The following ZNF609 variants were observed in gnomAD, a reference collection of about 807,000 sequenced individuals.
ZNF609 encodes zinc finger protein 609.
In ZNF609, 11 loss-of-function variants were observed where a neutral mutation model predicts 109.5. That is an observed-to-expected ratio of 0.10 (90% CI 0.06 to 0.17). The LOEUF (loss-of-function observed/expected upper bound fraction) is 0.17. Ranked by LOEUF, ZNF609 falls within the 10% of genes least tolerant of loss-of-function variation. The probability of loss-of-function intolerance (pLI) is 1.00; values close to 1 mark genes in which losing one functional copy is unlikely to be tolerated. For synonymous variants in ZNF609, 646 were observed against 662.0 expected, an observed-to-expected ratio of 0.98 and a Z score of 0.37; for missense variants, 1,559 against 1,772.4, an observed-to-expected ratio of 0.88 and a Z score of 2.16.
chr15:64,586,326 CAAAAA>C (rs1206630683), intron 2 of ZNF609, among the ~76,000 whole-genome samples: 11 of 92,884 alleles, frequency 1.2e-4, no homozygotes, highest in African/African-American at 3.9e-4. Context: ...AACTCGGTCT[CAAAAA>C]AAAAAAAAAA....
At chr15:64,546,290 A>G (rs1894358861) in intron 2 of ZNF609, among the ~76,000 whole-genome samples, 8 of 152,238 alleles carry the variant, frequency 5.3e-5, no homozygotes, top group Admixed American at 4.6e-4. Flanking sequence ...TGTTGCCCAC[A>G]TGGGAATGCA....
At chr15:64,669,518 T>G (rs1220272128) in intron 3 of ZNF609, among the ~76,000 whole-genome samples, 1 of 152,162 alleles carries the variant, frequency 6.6e-6, no homozygotes, top group Non-Finnish European at 1.5e-5. Context: ...TGTTTCCAAG[T>G]AGGGGAACTG....
chr15:64,561,009 A>G (rs1894669448), intron 2 of ZNF609, among the ~76,000 whole-genome samples: 1 of 152,176 alleles, frequency 6.6e-6, no homozygotes, highest in African/African-American at 2.4e-5. Context: ...CCAAATTTCT[A>G]CGTATCTGAC....
intron 4 of ZNF609, among the ~76,000 whole-genome samples, chr15:64,671,104 G>A (rs1418268350): frequency 1.3e-5 from 2 of 149,652 alleles, no homozygotes; most frequent in South Asian, 4.2e-4. Flanking sequence ...CAGCTACTCG[G>A]GAGGCTGAGG....
intron 2 of ZNF609, among the ~76,000 whole-genome samples, chr15:64,615,982 G>C (rs1017329705): frequency 5.3e-5 from 8 of 152,078 alleles, no homozygotes; most frequent in Non-Finnish European, 7.4e-5. Flanking sequence ...CATTGTGAAG[G>C]GGAAAAGGCA....
chr15:64,660,710 C>T (rs1261402585), intron 3 of ZNF609, among the ~76,000 whole-genome samples: 1 of 152,170 alleles, frequency 6.6e-6, no homozygotes, highest in Non-Finnish European at 1.5e-5. Flanking sequence ...CCTCTTTGCT[C>T]TTCCGAACGT....
intron 3 of ZNF609, among the ~76,000 whole-genome samples, chr15:64,652,734 C>T (rs1262733690): frequency 4.6e-5 from 7 of 152,052 alleles, no homozygotes; most frequent in Admixed American, 3.9e-4. Flanking sequence ...AGTCTCACTG[C>T]GTTTTCCAGG....
chr15:64,530,260 C>CT (rs1201165734), intron 2 of ZNF609, among the ~76,000 whole-genome samples: 1 of 151,986 alleles, frequency 6.6e-6, no homozygotes, highest in East Asian at 1.9e-4. Context: ...AAGTGATCCG[C>CT]TTGCCTCTCA....
chr15:64,555,153 C>G (rs1445014469), intron 2 of ZNF609, among the ~76,000 whole-genome samples: 1 of 151,512 alleles, frequency 6.6e-6, no homozygotes, highest in East Asian at 1.9e-4. Context: ...TCGTTTGAGC[C>G]CAGGAGTTCA....
intron 2 of ZNF609, among the ~76,000 whole-genome samples, chr15:64,530,816 A>G (rs1053485050): frequency 6.6e-6 from 1 of 152,202 alleles, no homozygotes; most frequent in Non-Finnish European, 1.5e-5. Flanking sequence ...TAAAGTATAC[A>G]TACCCCTAGA....
Position 64,684,723 on chromosome 15 carries a change from G to A in ZNF609, c.*3037G>A, listed in dbSNP as rs1421272294. 6.6e-6 allele frequency: 1 copy of A among 152,650 alleles called. No homozygotes were observed. The highest frequency in any genetic ancestry group is 1.5e-5 in the Non-Finnish European group (1 of 68,052). The allele number at this position is 152,650 out of a possible 1,614,324, so 9.5% of individuals were successfully genotyped here. A position where few individuals can be genotyped will look rare whatever the true frequency, so the allele number is the denominator to read the frequency against. On this transcript the variant is annotated 3_prime_UTR_variant, in exon 10 of 10. Transcript: ENST00000326648. ...GAGTTGCGAGTTAAGACTGCAGAGG[G>A]CTAGAGAATTATTTCATACAGGCTT...
intron 2 of ZNF609, among the ~76,000 whole-genome samples, chr15:64,577,988 C>A (rs1043626694): frequency 1.3e-5 from 2 of 151,588 alleles, no homozygotes; most frequent in South Asian, 4.2e-4. Context: ...AACCCACCCC[C>A]CTTCCCTGCA....
intron 2 of ZNF609, among the ~76,000 whole-genome samples, chr15:64,580,533 GTTCTT>G (rs759320801): frequency 1.1e-4 from 15 of 142,658 alleles, no homozygotes; most frequent in African/African-American, 3.5e-4. Context: ...AACTCTCTCA[GTTCTT>G]TTCTTTTCTT....
chr15:64,625,866 G>A (rs1895945718), intron 3 of ZNF609, among the ~76,000 whole-genome samples: 1 of 121,834 alleles, frequency 8.2e-6, no homozygotes, highest in African/African-American at 3.2e-5. Flanking sequence ...TCCAGCCTGG[G>A]TGACAGAGCC....
intron 2 of ZNF609, among the ~76,000 whole-genome samples, chr15:64,579,712 A>C (rs528023744): frequency 6.6e-6 from 1 of 151,034 alleles, no homozygotes; most frequent in African/African-American, 2.4e-5. Context: ...AAACAAACAA[A>C]AAAAAAAAAC....
intron 1 of ZNF609, among the ~76,000 whole-genome samples, chr15:64,465,869 A>C (rs1385124691): frequency 6.6e-6 from 1 of 151,882 alleles, no homozygotes; most frequent in Non-Finnish European, 1.5e-5. Context: ...TAATCCCAGC[A>C]CTTTGGGAGG....
At chr15:64,472,210 G>A (rs550182012) in intron 1 of ZNF609, among the ~76,000 whole-genome samples, 1 of 152,302 alleles carries the variant, frequency 6.6e-6, no homozygotes, top group Admixed American at 6.5e-5. Flanking sequence ...ACCACACCCG[G>A]CCTATAAGTA....
intron 4 of ZNF609, among the ~76,000 whole-genome samples, chr15:64,673,162 C>G (rs1045242152): frequency 6.6e-6 from 1 of 152,130 alleles, no homozygotes; most frequent in Admixed American, 6.6e-5. Context: ...TAGAACTGTT[C>G]TGGGAACCCA....
At chr15:64,680,913 T>C (rs1188691803) in intron 8 of ZNF609, 51 bp downstream of exon 8, 3 of 1,591,512 alleles carry the variant, frequency 1.9e-6, no homozygotes, top group Non-Finnish European at 2.6e-6. Context: ...TTGTTTTGTT[T>C]ATCTTCATCC....
Sources: gnomAD v4.1 joint callset for allele counts (sites outside exome capture counted in the v4.1 genomes callset) on GRCh38, gnomAD v4.1.1 for gene constraint, MANE v1.5 for transcripts, NCBI Gene and HGNC (gene_info 2026-07-23, HGNC 2026-07-21) for gene names.